MYO1D: variants seen among roughly 807,000 people sequenced by gnomAD.
The protein encoded by MYO1D is myosin ID.
MYO1D carries 83 observed loss-of-function variants against 122.0 expected under a neutral mutation model. The observed-to-expected ratio is 0.68, with a 90% CI of 0.57 to 0.82. MYO1D has a LOEUF of 0.82. MYO1D is among the 40% of genes least tolerant of loss of function. The pLI, the probability that MYO1D is intolerant of heterozygous loss-of-function variation, is 0.00. For synonymous variants in MYO1D, 464 were observed against 446.9 expected (o/e 1.04, Z -0.48); for missense variants, 1,157 against 1,269.5 (o/e 0.91, Z 1.35).
intron 1 of MYO1D, among the ~76,000 whole-genome samples, chr17:32,801,166 T>C (rs977586024): frequency 4.1e-4 from 63 of 152,238 alleles, no homozygotes; most frequent in African/African-American, 1.5e-3. Context: ...TTATAAATAA[T>C]ATTATTTACA....
Position 32,877,016 on chromosome 17 carries a change from C to A in MYO1D, c.-144G>T, listed in dbSNP as rs901298503. The A allele has an allele frequency of 6.4e-6, 2 of 314,848 alleles. No individual in the cohort carries two copies. Among genetic ancestry groups the A allele is most frequent in the Non-Finnish European group, 1.1e-5 (2 of 184,152 alleles). The allele number at this position is 314,848 out of a possible 1,614,324, so 19.5% of individuals were successfully genotyped here. A position where few individuals can be genotyped will look rare whatever the true frequency, so the allele number is the denominator to read the frequency against. On this transcript the variant is annotated 5_prime_UTR_variant, in exon 1 of 22. Transcript: ENST00000318217. ...GCGCACGCCGCTCGGCGGGTCCGGG[C>A]CGGACAGAGGCCGCCTCGCTGCTCC...
chr17:32,552,627 T>A lies in MYO1D; in HGVS notation c.2864+52460A>T, dbSNP rs553920653. The stretch of plus-strand genomic sequence containing the variant: ...AATGTATACACCAATGCTTACTATG[T>A]CCTAGGTACTGTGCTGGGTACTAGA... On this transcript the variant is annotated intron_variant, in intron 21 of 21. Transcript: ENST00000318217. Among the ~76,000 whole-genome samples the A allele has an allele frequency of 9.8e-5, 15 of 152,298 alleles. No individual in the cohort carries two copies. In the South Asian group the frequency reaches 2.3e-3, roughly 23 times the overall value.
Position 32,659,214 on chromosome 17 carries a change from C to T in MYO1D, c.2246G>A (p.Gly749Asp). The stretch of plus-strand genomic sequence containing the variant: ...CCCGTAGTCTCGCATGGTCTTGACG[C>T]CATGGAAGCGTCTGGCCACCTCGTG... ...YIHEVARRFH[G>D]VKTMRDYGKH... Residue 749 changes from glycine (G) to aspartate (D), a missense_variant, in exon 17 of 22, where the codon GGC (glycine) becomes GAC (aspartate). Physicochemically the swap from Gly to Asp is moderately conservative, Grantham distance 94. Coordinates refer to ENST00000318217, the MANE Select transcript of MYO1D (RefSeq NM_015194.3). The T allele has an allele frequency of 6.2e-7, 1 of 1,614,220 alleles. No homozygotes were observed. The highest frequency in any genetic ancestry group is 8.5e-7 in the Non-Finnish European group (1 of 1,180,040).
chr17:32,745,435 A>G (rs6505311), intron 12 of MYO1D, 150 bp from the exon 13 acceptor site: 255,774 of 550,018 alleles, frequency 0.47, 62,047 homozygotes, highest in East Asian at 0.71. Flanking sequence ...GTATTAAAGG[A>G]TACCAAATTT....
chr17:32,633,171 T>TA (rs3040385), intron 20 of MYO1D, among the ~76,000 whole-genome samples: 1,747 of 146,008 alleles, frequency 0.012, 24 homozygotes, highest in African/African-American at 0.036. Flanking sequence ...AGACTAAATT[T>TA]AAAAAAAAAA....
chr17:32,689,251 T>C (rs1293840502), intron 16 of MYO1D, among the ~76,000 whole-genome samples: 1 of 152,332 alleles, frequency 6.6e-6, no homozygotes, highest in East Asian at 1.9e-4. Flanking sequence ...TTATAAATGC[T>C]TGATTATATT....
rs1034550688 is a variant in MYO1D, at chr17:32,754,633, C to A, written c.1467+859G>T. ...TATTCACACTAAAAAATGGCAGTGT[C>A]AGAGATTTACATGGAACTCTGGAGA... On this transcript the variant is annotated intron_variant, in intron 11 of 21. Transcript: ENST00000318217. Among the ~76,000 whole-genome samples, 13 of 152,170 alleles carry A rather than the reference C, an allele frequency of 8.5e-5. 1 individual carries two copies. The highest frequency in any genetic ancestry group is 8.5e-4 in the Admixed American group (13 of 15,272).
intron 1 of MYO1D, among the ~76,000 whole-genome samples, chr17:32,870,546 AAC>A (rs899027302): frequency 9.9e-5 from 15 of 151,828 alleles, no homozygotes; most frequent in African/African-American, 3.6e-4. Context: ...TCACTGCCCC[AAC>A]ACACAGTTAA....
intron 20 of MYO1D, among the ~76,000 whole-genome samples, chr17:32,619,223 T>C (rs1271954393): frequency 1.3e-5 from 2 of 152,184 alleles, no homozygotes; most frequent in Non-Finnish European, 2.9e-5. Flanking sequence ...TACTTTCAGT[T>C]TTCATATATT....
intron 21 of MYO1D, among the ~76,000 whole-genome samples, chr17:32,586,145 A>G (rs562190636): frequency 6.6e-6 from 1 of 152,364 alleles, no homozygotes; most frequent in South Asian, 2.1e-4. Context: ...AATGCATGCC[A>G]TGGAGAAACA....
At chr17:32,813,427 G>A (rs2090588703) in intron 1 of MYO1D, among the ~76,000 whole-genome samples, 1 of 152,184 alleles carries the variant, frequency 6.6e-6, no homozygotes, top group Non-Finnish European at 1.5e-5. Flanking sequence ...CCGAGAAGGT[G>A]ATCCCAGAAG....
At chr17:32,705,312 T>C (rs191205964) in intron 16 of MYO1D, among the ~76,000 whole-genome samples, 5 of 152,108 alleles carry the variant, frequency 3.3e-5, no homozygotes, top group Non-Finnish European at 7.4e-5. Flanking sequence ...CAGGCTGGAG[T>C]GCAGTGGCAC....
chr17:32,556,521 A>G (rs2150887599), intron 21 of MYO1D, among the ~76,000 whole-genome samples: 1 of 151,830 alleles, frequency 6.6e-6, no homozygotes, highest in Admixed American at 6.6e-5. Context: ...GCCCACTGTA[A>G]ACCGTGCAGA....
intron 15 of MYO1D, among the ~76,000 whole-genome samples, chr17:32,716,268 C>T (rs1349003689): frequency 1.3e-5 from 2 of 152,206 alleles, no homozygotes; most frequent in African/African-American, 4.8e-5. Context: ...TGTATATCAA[C>T]AAACCCTCTA....
At position 32,735,279 on chromosome 17, in the gene MYO1D, C is replaced by T. The variant is rs917791890; in HGVS notation, c.1746+2974G>A. Among the ~76,000 whole-genome samples, 75 of 152,134 alleles carry T rather than the reference C, an allele frequency of 4.9e-4. 1 individual carries two copies. Among genetic ancestry groups the T allele is most frequent in the Admixed American group, 4.8e-3 (73 of 15,284 alleles). On this transcript the variant is annotated intron_variant, in intron 14 of 21. Coordinates refer to ENST00000318217, the MANE Select transcript of MYO1D (RefSeq NM_015194.3). ...ATCTTGCTCACTGCTATCTCCACCTCCTGGGTTCAAGTGATTCTCCTGCCT... is the reference window on the plus strand; with the variant it reads ...ATCTTGCTCACTGCTATCTCCACCTTCTGGGTTCAAGTGATTCTCCTGCCT...
chr17:32,687,002 C>CACAT (rs1191647945), intron 16 of MYO1D, among the ~76,000 whole-genome samples: 4 of 131,044 alleles, frequency 3.1e-5, no homozygotes, highest in Non-Finnish European at 6.7e-5. Flanking sequence ...CACACACACA[C>CACAT]ACACCAAAAA....
At chr17:32,679,595 C>T (rs1278852593) in intron 16 of MYO1D, among the ~76,000 whole-genome samples, 4 of 152,134 alleles carry the variant, frequency 2.6e-5, no homozygotes, top group Non-Finnish European at 5.9e-5. Flanking sequence ...TTTCTGAGGG[C>T]TCTATTCTGT....
intron 17 of MYO1D, among the ~76,000 whole-genome samples, chr17:32,656,673 C>A (rs1045366999): frequency 2.0e-5 from 3 of 152,120 alleles, no homozygotes; most frequent in Admixed American, 6.5e-5. Flanking sequence ...TATGGACAAC[C>A]AACACTCCAA....
chr17:32,795,958 A>G (rs1331005557), intron 1 of MYO1D, among the ~76,000 whole-genome samples: 1 of 151,484 alleles, frequency 6.6e-6, no homozygotes, highest in Non-Finnish European at 1.5e-5. Flanking sequence ...ACACCACCTC[A>G]TGTTGTCTGT....
Sources: allele counts gnomAD v4.1 joint callset (sites outside exome capture counted in the v4.1 genomes callset), GRCh38; gene constraint gnomAD v4.1.1; transcripts MANE v1.5; gene names NCBI Gene and HGNC (gene_info 2026-07-23, HGNC 2026-07-21).